The following AIM2 variants were observed in gnomAD, a reference collection of about 807,000 sequenced individuals.
AIM2 encodes the protein interferon-inducible protein AIM2.
Under a neutral mutation model 27.7 loss-of-function variants are expected in AIM2, and 30 were observed. The observed-to-expected ratio is 1.08, with a 90% CI of 0.81 to 1.47. The LOEUF (loss-of-function observed/expected upper bound fraction) is 1.47, where lower values mean the gene tolerates loss of function less well. Among genes scored for constraint, AIM2 ranks in the 40% most tolerant of loss-of-function variants. The probability of loss-of-function intolerance (pLI) is 0.00; values close to 1 mark genes in which losing one functional copy is unlikely to be tolerated. For missense variants in AIM2, 358 were observed against 411.3 expected (o/e 0.87, Z 1.12); for synonymous variants, 141 against 145.3 (o/e 0.97, Z 0.21).
At chr1:159,065,172 C>CT (rs1307933576) in intron 4 of AIM2, among the ~76,000 whole-genome samples, 1 of 152,122 alleles carries the variant, frequency 6.6e-6, no homozygotes, top group African/African-American at 2.4e-5. Context: ...AGGTCCTGCC[C>CT]TAGACCAGAA....
chr1:159,114,407 T>C (rs3122355), intron 1 of AIM2, among the ~76,000 whole-genome samples: 151,687 of 152,304 alleles, frequency 1, 75,540 homozygotes, highest in Middle Eastern at 1. Context: ...TGGAAAACAC[T>C]AGTGTACTTC....
In AIM2 at chr1:159,139,773, G is replaced by A. The variant is rs868564358; in HGVS notation, c.-16+658C>T. On this transcript the variant is annotated intron_variant, in intron 1 of 2. Transcript: ENST00000368129. ...ACTGTCTATTTGGGCACACATACCCGCCCTGTTTCCACCTCATCCCCAGCC... is the reference window on the plus strand; with the variant it reads ...ACTGTCTATTTGGGCACACATACCCACCCTGTTTCCACCTCATCCCCAGCC... Among the ~76,000 whole-genome samples the A allele has an allele frequency of 7.9e-5, 12 of 152,184 alleles. No individual in the cohort carries two copies. In the South Asian group the frequency reaches 1.0e-3, roughly 13 times the overall value.
chr1:159,093,112 C>A (rs956757257), intron 1 of AIM2, among the ~76,000 whole-genome samples: 1 of 151,958 alleles, frequency 6.6e-6, no homozygotes, highest in Non-Finnish European at 1.5e-5. Context: ...GAAATCTTAA[C>A]CCCATACCAT....
chr1:159,101,591 G>A (rs1657313544), intron 1 of AIM2, among the ~76,000 whole-genome samples: 1 of 152,198 alleles, frequency 6.6e-6, no homozygotes, highest in African/African-American at 2.4e-5. Context: ...GAAAAGTTTG[G>A]AACTTGCTAG....
upstream of AIM2, among the ~76,000 whole-genome samples, chr1:159,079,451 GA>G (rs1014821438): frequency 1.5e-4 from 23 of 152,082 alleles, no homozygotes; most frequent in African/African-American, 5.3e-4. Context: ...AGCGAATGGA[GA>G]AAAAAGCAAG....
intron 1 of AIM2, among the ~76,000 whole-genome samples, chr1:159,101,865 G>T (rs906705554): frequency 6.6e-6 from 1 of 152,172 alleles, no homozygotes; most frequent in Non-Finnish European, 1.5e-5. Flanking sequence ...GAGCATAAAA[G>T]TTTGGAAAAT....
chr1:159,061,558 A>ATTTT (rs945588968), downstream of AIM2, among the ~76,000 whole-genome samples: 507 of 83,118 alleles, frequency 6.1e-3, 20 homozygotes, highest in African/African-American at 0.026. Flanking sequence ...GTGCCCGGCT[A>ATTTT]TTTTTTTTTT....
At chr1:159,118,881 G>T (rs987256319) in intron 1 of AIM2, among the ~76,000 whole-genome samples, 1 of 151,982 alleles carries the variant, frequency 6.6e-6, no homozygotes, top group Admixed American at 6.6e-5. Flanking sequence ...CATAACGGGT[G>T]TATTAATCAG....
intron 1 of AIM2, among the ~76,000 whole-genome samples, chr1:159,092,190 T>C (rs1657061442): frequency 6.6e-6 from 1 of 152,198 alleles, no homozygotes; most frequent in African/African-American, 2.4e-5. Flanking sequence ...CAGTAAAACA[T>C]GAAAATATTA....
intron 1 of AIM2, among the ~76,000 whole-genome samples, chr1:159,129,334 T>C (rs1647807462): frequency 6.6e-6 from 1 of 152,178 alleles, no homozygotes; most frequent in Non-Finnish European, 1.5e-5. Flanking sequence ...GCACCCAGTT[T>C]GGGGAAATTT....
chr1:159,063,651 T>G lies in AIM2; in HGVS notation c.840A>C (p.Ile280=). 1.9e-6 allele frequency: 3 copies of G among 1,611,996 alleles called. No individual in the cohort carries two copies. Among genetic ancestry groups the G allele is most frequent in the Non-Finnish European group, 2.5e-6 (3 of 1,179,074 alleles). The change falls in exon 5 of 6, where the codon ATA becomes ATC. Residue 280 remains isoleucine (I), a synonymous_variant. Coordinates refer to ENST00000368130, the MANE Select transcript of AIM2 (RefSeq NM_004833.3). The part of the protein sequence containing the change: ...VQKVTEKKKN[I]LFDLSDNTGK... ...CAGTGTTGTCACTTAGGTCAAATAA[T>G]ATGTTTTTCTTCTTTTCTGTTACCT...
At chr1:159,130,219 C>A (rs746722733) in intron 1 of AIM2, among the ~76,000 whole-genome samples, 7 of 152,200 alleles carry the variant, frequency 4.6e-5, no homozygotes, top group Non-Finnish European at 8.8e-5. Context: ...TGATGGGTTC[C>A]TCAGGGCTTC....
At chr1:159,094,567 G>A (rs1028143289) in intron 1 of AIM2, among the ~76,000 whole-genome samples, 2 of 152,102 alleles carry the variant, frequency 1.3e-5, no homozygotes, top group Non-Finnish European at 2.9e-5. Context: ...GCTTGGTGGC[G>A]TGCACCAGTA....
intron 2 of AIM2, among the ~76,000 whole-genome samples, chr1:159,072,169 A>T (rs1006534667): frequency 7.9e-5 from 12 of 152,224 alleles, no homozygotes; most frequent in African/African-American, 2.9e-4. Context: ...ATGTGTAGTT[A>T]CTGCCATCTA....
chr1:159,055,920 C>T, the AIM2 span, among the ~76,000 whole-genome samples: 1 of 152,096 alleles, frequency 6.6e-6, no homozygotes, highest in Non-Finnish European at 1.5e-5. Flanking sequence ...CTTAATGACC[C>T]TTAGATGGTA....
intron 1 of AIM2, among the ~76,000 whole-genome samples, chr1:159,124,499 T>C (rs978755015): frequency 6.6e-6 from 1 of 152,246 alleles, no homozygotes; most frequent in Admixed American, 6.5e-5. Flanking sequence ...CTGTAATCTT[T>C]ACTATTCTTT....
intron 2 of AIM2, among the ~76,000 whole-genome samples, chr1:159,069,425 TTC>T (rs963075503): frequency 2.6e-5 from 4 of 151,560 alleles, no homozygotes; most frequent in African/African-American, 9.7e-5. Flanking sequence ...AATACACCAA[TTC>T]TCTCTCTCTA....
intron 1 of AIM2, among the ~76,000 whole-genome samples, chr1:159,118,748 T>C (rs1057257502): frequency 2.0e-5 from 3 of 152,200 alleles, no homozygotes; most frequent in Non-Finnish European, 4.4e-5. Context: ...TTATTCCTTC[T>C]ACACTTATTT....
intron 2 of AIM2, among the ~76,000 whole-genome samples, chr1:159,072,786 G>C (rs142755632): frequency 6.6e-6 from 1 of 152,296 alleles, no homozygotes; most frequent in African/African-American, 2.4e-5. Context: ...GAGAGGAATA[G>C]ACAGACTGTG....
Sources: gnomAD v4.1 joint callset for allele counts (sites outside exome capture counted in the v4.1 genomes callset) on GRCh38, gnomAD v4.1.1 for gene constraint, MANE v1.5 for transcripts, NCBI Gene and HGNC (gene_info 2026-07-23, HGNC 2026-07-21) for gene names.